The following L3MBTL4 variants were observed in gnomAD, a reference collection of about 807,000 sequenced individuals.
The protein encoded by L3MBTL4 is lethal(3)malignant brain tumor-like protein 4.
A neutral mutation model predicts 84.5 loss-of-function variants in L3MBTL4; 70 were observed. The observed-to-expected ratio is 0.83, with a 90% CI of 0.68 to 1.01. The LOEUF (loss-of-function observed/expected upper bound fraction) is 1.01, where lower values mean the gene tolerates loss of function less well. L3MBTL4 is among the 50% of genes least tolerant of loss of function. L3MBTL4 has a pLI of 0.00. For missense variants in L3MBTL4, 715 were observed against 754.8 expected (o/e 0.95, Z 0.62); for synonymous variants, 274 against 259.8 (o/e 1.05, Z -0.52).
intron 16 of L3MBTL4, among the ~76,000 whole-genome samples, chr18:6,038,904 A>G (rs2056275920): frequency 6.6e-6 from 1 of 152,024 alleles, no homozygotes. Flanking sequence ...TTTGGGAAGG[A>G]AATTAGGGGT....
intron 15 of L3MBTL4, among the ~76,000 whole-genome samples, chr18:6,086,296 C>T (rs1285700306): frequency 1.3e-5 from 2 of 152,168 alleles, no homozygotes; most frequent in Non-Finnish European, 2.9e-5. Context: ...TTGCTGTGGA[C>T]ATTGTAGGAC....
At position 6,053,431 on chromosome 18, in the gene L3MBTL4, T is replaced by C. The variant is rs368676374; in HGVS notation, c.1444+27450A>G. Among the ~76,000 whole-genome samples the C allele has an allele frequency of 9.1e-4, 138 of 152,300 alleles. 1 individual carries two copies. The South Asian group carries it at 0.011, about 12-fold the overall frequency. On this transcript the variant is annotated intron_variant, in intron 16 of 18. Transcript: ENST00000317931. ...CTAACGAAATGGATACAGGAGGCCA[T>C]GAAGGGAAGGCCCTCATGCACATTT...
intron 1 of L3MBTL4, 108 bp from the exon 2 acceptor site, chr18:6,312,164 G>T (rs550255691): frequency 6.6e-6 from 1 of 152,366 alleles, no homozygotes; most frequent in East Asian, 1.9e-4. Context: ...TTTGAAATGA[G>T]ATTTTTTACA....
chr18:6,175,686 A>G (rs917332109), intron 12 of L3MBTL4, among the ~76,000 whole-genome samples: 1 of 152,234 alleles, frequency 6.6e-6, no homozygotes, highest in Non-Finnish European at 1.5e-5. Context: ...GAACTCCCTC[A>G]GTTTGATAAA....
intron 14 of L3MBTL4, among the ~76,000 whole-genome samples, chr18:6,131,809 A>G (rs1356176726): frequency 6.6e-6 from 1 of 152,214 alleles, no homozygotes; most frequent in East Asian, 1.9e-4. Flanking sequence ...ACTGAAGAAC[A>G]ACACTTTTAA....
intron 16 of L3MBTL4, among the ~76,000 whole-genome samples, chr18:6,062,758 G>C (rs1339944747): frequency 6.6e-6 from 1 of 151,490 alleles, no homozygotes; most frequent in Non-Finnish European, 1.5e-5. Context: ...CAGTCATGTT[G>C]ACTCTGTTAA....
intron 4 of L3MBTL4, among the ~76,000 whole-genome samples, chr18:6,265,827 G>T (rs1490164597): frequency 6.6e-6 from 1 of 152,186 alleles, no homozygotes; most frequent in Non-Finnish European, 1.5e-5. Flanking sequence ...AAGGAATCGG[G>T]AATGGGGAGA....
At chr18:6,108,610 A>C (rs893512035) in intron 14 of L3MBTL4, among the ~76,000 whole-genome samples, 3 of 152,130 alleles carry the variant, frequency 2.0e-5, no homozygotes, top group Admixed American at 1.3e-4. Flanking sequence ...CCATTAAAAA[A>C]AAATTAATTG....
intron 1 of L3MBTL4, chr18:6,396,655 T>C (rs1394097626): frequency 6.6e-6 from 1 of 152,242 alleles, no homozygotes; most frequent in African/African-American, 2.4e-5. Context: ...TACCTCTCAG[T>C]ATGTGTTTAT....
rs1006652818 is a variant in L3MBTL4, at chr18:6,176,638, T to A, written c.982-4696A>T. Among the ~76,000 whole-genome samples the A allele has an allele frequency of 1.2e-4, 18 of 152,188 alleles. 1 individual carries two copies. Among genetic ancestry groups the A allele is most frequent in the Middle Eastern group, 3.4e-3 (1 of 294 alleles). ...CTTTAAGATAAAGTCTTCATGATAT[T>A]GGAATATTCAAGGATTTATTAGCAC... On this transcript the variant is annotated intron_variant, in intron 12 of 18. Transcript: ENST00000317931.
intron 10 of L3MBTL4, among the ~76,000 whole-genome samples, chr18:6,224,709 G>A (rs2046702187): frequency 6.6e-6 from 1 of 152,068 alleles, no homozygotes; most frequent in Admixed American, 6.6e-5. Flanking sequence ...ACTGACCCAA[G>A]AGTCCTAGTT....
chr18:5,957,622 C>T (rs908990752), intron 18 of L3MBTL4, among the ~76,000 whole-genome samples: 4 of 152,058 alleles, frequency 2.6e-5, no homozygotes, highest in African/African-American at 7.2e-5. Context: ...CATTCTTCCA[C>T]GAACTTAGAA....
chr18:6,202,554 C>G (rs1416553091), intron 12 of L3MBTL4, among the ~76,000 whole-genome samples: 1 of 151,972 alleles, frequency 6.6e-6, no homozygotes, highest in Non-Finnish European at 1.5e-5. Flanking sequence ...ATGCTGCTGG[C>G]TTTTATTAGG....
At chr18:6,297,392 T>C (rs996549227) in intron 4 of L3MBTL4, among the ~76,000 whole-genome samples, 3 of 152,184 alleles carry the variant, frequency 2.0e-5, no homozygotes, top group Non-Finnish European at 1.5e-5. Context: ...AGTCTATAGT[T>C]TAGTGAATAG....
chr18:6,370,285 C>T (rs576737031), intron 1 of L3MBTL4, among the ~76,000 whole-genome samples: 1 of 152,294 alleles, frequency 6.6e-6, no homozygotes, highest in Admixed American at 6.5e-5. Context: ...GGCATAAATC[C>T]TGATGCATAA....
At chr18:6,081,544 C>T (rs922377792) in intron 15 of L3MBTL4, among the ~76,000 whole-genome samples, 5 of 152,010 alleles carry the variant, frequency 3.3e-5, no homozygotes, top group South Asian at 2.1e-4. Context: ...GCTAATTAGT[C>T]AGTAATTAAT....
rs535220262 is a variant in L3MBTL4, at chr18:6,093,427, G to A, written c.1301C>T (p.Ser434Leu). 1.2e-6 allele frequency: 2 copies of A among 1,613,964 alleles called. No individual in the cohort carries two copies. Among genetic ancestry groups the A allele is most frequent in the South Asian group, 2.2e-5 (2 of 91,052 alleles). Residue 434 changes from serine (S) to leucine (L), a missense_variant, in exon 15 of 19, where the codon TCA becomes TTA. Transcript: ENST00000317931. Reference protein sequence around the residue: ...QTQANLESDSSHSKSKSLCSL... With the variant: ...QTQANLESDSLHSKSKSLCSL... Reference sequence around the variant, plus strand: ...ACAGAGGCTTTTTGATTTTGAATGTGAAGAGTCTGATTCCAAATTTGCCTG... The same window carrying A: ...ACAGAGGCTTTTTGATTTTGAATGTAAAGAGTCTGATTCCAAATTTGCCTG...
At chr18:6,206,210 T>C (rs1376002083) in intron 12 of L3MBTL4, among the ~76,000 whole-genome samples, 3 of 152,154 alleles carry the variant, frequency 2.0e-5, no homozygotes, top group Non-Finnish European at 2.9e-5. Flanking sequence ...ACAAATATAA[T>C]CCTGTATTGG....
chr18:6,038,252 T>TTTC (rs2056231420), intron 16 of L3MBTL4, among the ~76,000 whole-genome samples: 1 of 3,058 alleles, frequency 3.3e-4, no homozygotes. Context: ...TTTCTGGATC[T>TTTC]TTTTTTTTTT....
Sources: allele counts gnomAD v4.1 joint callset (sites outside exome capture counted in the v4.1 genomes callset), GRCh38; gene constraint gnomAD v4.1.1; transcripts MANE v1.5; gene names NCBI Gene and HGNC (gene_info 2026-07-23, HGNC 2026-07-21).